Variants in MGAT5 observed in about 807,000 individuals in gnomAD.
The protein encoded by MGAT5 is alpha-1,6-mannosylglycoprotein 6-beta-N-acetylglucosaminyltransferase.
Under a neutral mutation model 94.3 loss-of-function variants are expected in MGAT5, and 30 were observed. The ratio of observed to expected loss-of-function variants is 0.32; its 90% confidence interval spans 0.24 to 0.43. MGAT5 has a LOEUF of 0.43. Among genes scored for constraint, MGAT5 ranks in the 20% least tolerant of loss-of-function variants. The pLI is 1.00. For synonymous variants in MGAT5, 310 were observed against 322.9 expected, an observed-to-expected ratio of 0.96 and a Z score of 0.43; for missense variants, 691 against 905.5, an observed-to-expected ratio of 0.76 and a Z score of 3.04.
intron 10 of MGAT5, among the ~76,000 whole-genome samples, chr2:134,401,006 C>A (rs930848054): frequency 2.0e-5 from 3 of 152,020 alleles, no homozygotes; most frequent in Non-Finnish European, 4.4e-5. Context: ...TGGCTCCAGG[C>A]CCTAGTTTTT....
intron 12 of MGAT5, among the ~76,000 whole-genome samples, chr2:134,419,448 G>A (rs1004776394): frequency 9.2e-5 from 11 of 119,498 alleles, no homozygotes; most frequent in Admixed American, 4.3e-4. Flanking sequence ...GGGTTTGTGT[G>A]TGTGTGTGTG....
chr2:134,329,149 C>T (rs1211035526), intron 4 of MGAT5, among the ~76,000 whole-genome samples: 1 of 152,030 alleles, frequency 6.6e-6, no homozygotes, highest in African/African-American at 2.4e-5. Flanking sequence ...AATCTGGCAA[C>T]CCCACTGAGG....
At chr2:134,354,639 T>C (rs1009034630) in intron 9 of MGAT5, among the ~76,000 whole-genome samples, 6 of 152,178 alleles carry the variant, frequency 3.9e-5, no homozygotes, top group African/African-American at 1.4e-4. Flanking sequence ...AGAGGTTCAC[T>C]GGCACCATCG....
At chr2:134,399,808 C>G (rs1337399361) in intron 10 of MGAT5, among the ~76,000 whole-genome samples, 8 of 152,046 alleles carry the variant, frequency 5.3e-5, no homozygotes, top group Admixed American at 5.2e-4. Context: ...TCACCTTCAC[C>G]CTGGGCCTGG....
rs530014889 is a variant in MGAT5 at position 134,154,409 on chromosome 2, T to C, written c.-143+34118T>C. Among the ~76,000 whole-genome samples the C allele has an allele frequency of 5.9e-5, 9 of 152,334 alleles. 1 individual carries two copies. Among genetic ancestry groups the C allele is most frequent in the Admixed American group, 5.9e-4 (9 of 15,308 alleles). ...GTCCTCCTCCATATCCTGCCAGGCC[T>C]ATCCATGCTGTGTTCAGACATGCAG... On this transcript the variant is annotated intron_variant, in intron 1 of 16. Transcript: ENST00000409645.
chr2:134,270,343 A>G (rs752955798), intron 1 of MGAT5, 43 bp from the exon 2 acceptor site: 41 of 1,579,110 alleles, frequency 2.6e-5, no homozygotes, highest in Non-Finnish European at 3.5e-5. Flanking sequence ...ACAGATATGT[A>G]GAGGCCATAG....
intron 2 of MGAT5, among the ~76,000 whole-genome samples, chr2:134,294,101 T>C (rs947285573): frequency 2.6e-5 from 4 of 152,204 alleles, no homozygotes; most frequent in Non-Finnish European, 5.9e-5. Context: ...TCAAATCTTT[T>C]GCCTCTGAGT....
chr2:134,206,655 A>G (rs1472094044), intron 1 of MGAT5, among the ~76,000 whole-genome samples: 1 of 152,184 alleles, frequency 6.6e-6, no homozygotes, highest in African/African-American at 2.4e-5. Context: ...TAGGGCAATT[A>G]TCGTGGATTG....
chr2:134,331,193 A>G (rs1687948784), intron 4 of MGAT5, among the ~76,000 whole-genome samples: 1 of 152,126 alleles, frequency 6.6e-6, no homozygotes, highest in Non-Finnish European at 1.5e-5. Flanking sequence ...TTTTTGTTCA[A>G]AGAAGTTTAA....
At chr2:134,306,051 T>G (rs1479014445) in intron 2 of MGAT5, among the ~76,000 whole-genome samples, 1 of 152,164 alleles carries the variant, frequency 6.6e-6, no homozygotes, top group African/African-American at 2.4e-5. Context: ...GGAATATATC[T>G]GTATAACTTT....
intron 2 of MGAT5, among the ~76,000 whole-genome samples, chr2:134,310,432 A>C (rs1171355192): frequency 2.6e-5 from 4 of 152,190 alleles, no homozygotes; most frequent in Non-Finnish European, 4.4e-5. Context: ...TAGAGGGTTG[A>C]ATGGTGTGGT....
At chr2:134,244,983 G>T (rs764782167) in intron 1 of MGAT5, among the ~76,000 whole-genome samples, 2 of 152,108 alleles carry the variant, frequency 1.3e-5, no homozygotes, top group Non-Finnish European at 2.9e-5. Flanking sequence ...TCAGGGACCC[G>T]TGCTTTGTTT....
At chr2:134,175,467 G>A (rs765865016) in intron 1 of MGAT5, among the ~76,000 whole-genome samples, 2 of 152,194 alleles carry the variant, frequency 1.3e-5, no homozygotes, top group Non-Finnish European at 2.9e-5. Flanking sequence ...GTCTGAGGAA[G>A]GTTGGCACTA....
chr2:134,320,285 A>G (rs1687238964), intron 4 of MGAT5, among the ~76,000 whole-genome samples: 1 of 152,214 alleles, frequency 6.6e-6, no homozygotes, highest in Admixed American at 6.5e-5. Flanking sequence ...GGAAGTAACT[A>G]AAAGATAGTT....
chr2:134,267,558 G>C (rs1683793896), intron 1 of MGAT5, among the ~76,000 whole-genome samples: 1 of 150,866 alleles, frequency 6.6e-6, no homozygotes. Flanking sequence ...TGGCAGATGG[G>C]GTCAACAAGA....
chr2:134,306,029 CTT>C (rs1202998864), intron 2 of MGAT5, among the ~76,000 whole-genome samples: 1 of 151,854 alleles, frequency 6.6e-6, no homozygotes, highest in African/African-American at 2.4e-5. Flanking sequence ...TGTATAGAAA[CTT>C]TTTTTTCTGG....
In MGAT5 at chr2:134,450,828, G is replaced by GTGTA. The variant is rs1156436019; in HGVS notation, c.*1984_*1987dup. ...TGTGTGTGTGTGTGTGTGTGTGTGT[G>GTGTA]TGTATGAGCCTGTGCATTTCTTTTA... On this transcript the variant is annotated 3_prime_UTR_variant, in exon 16 of 16. Transcript: ENST00000281923. 1 of 134,592 alleles carries GTGTA rather than the reference G, an allele frequency of 7.4e-6. No homozygotes were observed. Among genetic ancestry groups the GTGTA allele is most frequent in the Non-Finnish European group, 1.6e-5 (1 of 64,140 alleles). 8.3% of individuals were successfully genotyped at this position (134,592 alleles called of 1,614,324 possible).
intron 15 of MGAT5, among the ~76,000 whole-genome samples, chr2:134,447,269 G>T (rs1260845042): frequency 6.6e-6 from 1 of 152,140 alleles, no homozygotes; most frequent in African/African-American, 2.4e-5. Flanking sequence ...AAATAGAAAT[G>T]GTTGGTGTGT....
At chr2:134,260,513 G>C (rs1425085650) in intron 1 of MGAT5, among the ~76,000 whole-genome samples, 1 of 152,192 alleles carries the variant, frequency 6.6e-6, no homozygotes, top group East Asian at 1.9e-4. Context: ...ATTCGAATGA[G>C]AGCTTTTGCA....
Sources: gnomAD v4.1 joint callset for allele counts (sites outside exome capture counted in the v4.1 genomes callset) on GRCh38, gnomAD v4.1.1 for gene constraint, MANE v1.5 for transcripts, NCBI Gene and HGNC (gene_info 2026-07-23, HGNC 2026-07-21) for gene names.